Variants in ENTHD1 observed in about 807,000 individuals in gnomAD.
ENTHD1 encodes ENTH domain-containing protein 1.
In ENTHD1, 23 loss-of-function variants were observed where a neutral mutation model predicts 39.1. The observed-to-expected ratio is 0.59, with a 90% CI of 0.42 to 0.83. The LOEUF is 0.83. ENTHD1 is among the 40% of genes least tolerant of loss of function. ENTHD1 has a pLI of 0.00. For synonymous variants in ENTHD1, 230 were observed against 258.2 expected, an observed-to-expected ratio of 0.89 and a Z score of 1.05; for missense variants, 624 against 705.4, an observed-to-expected ratio of 0.88 and a Z score of 1.31.
At chr22:39,814,559 T>C (rs1399505664) in intron 5 of ENTHD1, among the ~76,000 whole-genome samples, 3 of 152,242 alleles carry the variant, frequency 2.0e-5, no homozygotes, top group African/African-American at 7.2e-5. Context: ...AATGCAGGGT[T>C]GGTCATATCA....
intron 4 of ENTHD1, among the ~76,000 whole-genome samples, chr22:39,825,876 T>C (rs1376267527): frequency 6.6e-6 from 1 of 152,152 alleles, no homozygotes; most frequent in East Asian, 1.9e-4. Context: ...ATAGATGTTC[T>C]TGGTTTTGTT....
At chr22:39,804,564 A>G (rs1010809167) in intron 5 of ENTHD1, among the ~76,000 whole-genome samples, 3 of 152,020 alleles carry the variant, frequency 2.0e-5, no homozygotes, top group African/African-American at 7.3e-5. Flanking sequence ...TCAATACATT[A>G]CCAATTTCTG....
intron 3 of ENTHD1, among the ~76,000 whole-genome samples, chr22:39,844,176 G>A (rs1254991439): frequency 1.3e-5 from 2 of 151,734 alleles, no homozygotes; most frequent in African/African-American, 2.4e-5. Flanking sequence ...AGATTACTAG[G>A]GGAAAGGCAT....
Position 39,785,341 on chromosome 22 carries a change from T to C in ENTHD1, c.833-19732A>G, listed in dbSNP as rs150844414. ...CCGATATATCCGGTGCCATCTCACC[T>C]CTGTGATTTCACCCTGGCTGCTCTC... On this transcript the variant is annotated intron_variant, in intron 5 of 6. Transcript: ENST00000325157. Among the ~76,000 whole-genome samples, 5 of 152,334 alleles carry C rather than the reference T, an allele frequency of 3.3e-5. No homozygotes were observed. The East Asian group carries it at 9.6e-4, about 29-fold the overall frequency.
intron 3 of ENTHD1, among the ~76,000 whole-genome samples, chr22:39,845,113 A>G (rs2065976414): frequency 6.6e-6 from 1 of 151,346 alleles, no homozygotes; most frequent in Admixed American, 6.6e-5. Context: ...AGCCTGGTGG[A>G]GAAAACAAAC....
At chr22:39,828,729 G>A (rs1463402210) in intron 4 of ENTHD1, among the ~76,000 whole-genome samples, 1 of 152,052 alleles carries the variant, frequency 6.6e-6, no homozygotes, top group Admixed American at 6.6e-5. Context: ...AAAGAGTAAG[G>A]TCTTTTGAGG....
intron 5 of ENTHD1, among the ~76,000 whole-genome samples, chr22:39,818,228 C>T (rs1349707104): frequency 1.3e-5 from 2 of 152,158 alleles, no homozygotes; most frequent in Non-Finnish European, 2.9e-5. Context: ...GAACTGAGGC[C>T]TCCAGCCGAT....
At chr22:39,760,689 C>T (rs1856607825) in intron 6 of ENTHD1, among the ~76,000 whole-genome samples, 1 of 151,860 alleles carries the variant, frequency 6.6e-6, no homozygotes, top group South Asian at 2.1e-4. Flanking sequence ...CTGTTTTTGT[C>T]CCTCCTTTCT....
chr22:39,790,125 C>A (rs935161418), intron 5 of ENTHD1, among the ~76,000 whole-genome samples: 1 of 152,140 alleles, frequency 6.6e-6, no homozygotes, highest in African/African-American at 2.4e-5. Context: ...AGACAGTTGA[C>A]AGTCAGATCA....
chr22:39,885,075 T>G (rs534372193), intron 2 of ENTHD1, among the ~76,000 whole-genome samples: 13 of 152,284 alleles, frequency 8.5e-5, no homozygotes, highest in African/African-American at 2.6e-4. Flanking sequence ...ATCTACAGAA[T>G]CGGAGAAGAT....
Position 39,835,368 on chromosome 22 carries a change from C to A in ENTHD1, c.711+472G>T, listed in dbSNP as rs2065901063. On this transcript the variant is annotated intron_variant, in intron 4 of 6. Coordinates refer to ENST00000325157, the MANE Select transcript of ENTHD1 (RefSeq NM_152512.4). ...GACTATTCAACAAATTAAATATTGC[C>A]TATCCACAAGGGTACAAAGAAGGAC... Among the ~76,000 whole-genome samples the A allele has an allele frequency of 3.3e-5, 5 of 152,134 alleles. No homozygotes were observed. The South Asian group carries it at 1.0e-3, about 32-fold the overall frequency.
At chr22:39,885,193 T>C (rs1249468029) in intron 2 of ENTHD1, among the ~76,000 whole-genome samples, 1 of 152,178 alleles carries the variant, frequency 6.6e-6, no homozygotes, top group Non-Finnish European at 1.5e-5. Flanking sequence ...AGGATTGGAA[T>C]AGATGTTACA....
Position 39,867,998 on chromosome 22 carries a change from C to T in ENTHD1, c.350-5991G>A, listed in dbSNP as rs572981080. On this transcript the variant is annotated intron_variant, in intron 2 of 6. Coordinates refer to ENST00000325157, the MANE Select transcript of ENTHD1 (RefSeq NM_152512.4). This position sits in a 1 kb window ranked among gnomAD's most constrained non-coding sequence, Gnocchi z 4.5. ...GCTGCTGGGCTCTTGATCTGCCAGC[C>T]CAGAGTTCAGCTCCTCAGGTGTTAG... 2.2e-4 allele frequency among the ~76,000 whole-genome samples: 33 copies of T among 152,194 alleles called. No homozygotes were observed. Among genetic ancestry groups the T allele is most frequent in the Non-Finnish European group, 4.0e-4 (27 of 68,010 alleles).
chr22:39,822,011 C>T (rs74434450), intron 4 of ENTHD1, among the ~76,000 whole-genome samples: 10,087 of 152,218 alleles, frequency 0.066, 405 homozygotes, highest in South Asian at 0.13. Flanking sequence ...AGTATTCAGA[C>T]GACAGCAATC....
At chr22:39,754,596 C>T (rs62228529) in intron 6 of ENTHD1, among the ~76,000 whole-genome samples, 2,644 of 152,272 alleles carry the variant, frequency 0.017, 63 homozygotes, top group Middle Eastern at 0.024. Flanking sequence ...AACAACAAAC[C>T]CTTCCCTCAC....
intron 1 of ENTHD1, among the ~76,000 whole-genome samples, chr22:39,892,583 A>T (rs562714824): frequency 6.6e-6 from 1 of 152,384 alleles, no homozygotes; most frequent in African/African-American, 2.4e-5. Context: ...AATGAGTTGG[A>T]GGAAAAGTTG....
At chr22:39,826,968 C>T (rs1400095433) in intron 4 of ENTHD1, among the ~76,000 whole-genome samples, 1 of 151,760 alleles carries the variant, frequency 6.6e-6, no homozygotes, top group South Asian at 2.1e-4. Flanking sequence ...CCACTTCAGC[C>T]TCCCTGGCGG....
chr22:39,809,882 C>T (rs1473817809), intron 5 of ENTHD1, among the ~76,000 whole-genome samples: 2 of 152,110 alleles, frequency 1.3e-5, no homozygotes, highest in Non-Finnish European at 2.9e-5. Flanking sequence ...ACAGGGATGC[C>T]GTGGTATCCA....
At position 39,866,795 on chromosome 22, in the gene ENTHD1, T is replaced by C. The variant is rs534036068; in HGVS notation, c.350-4788A>G. Among the ~76,000 whole-genome samples the C allele has an allele frequency of 5.5e-3, 836 of 152,368 alleles. 8 individuals carry two copies. Among genetic ancestry groups the C allele is most frequent in the Middle Eastern group, 0.02 (6 of 294 alleles). ...ACTGTCTTTTCCCTCCAATTAACTG[T>C]GACATCCACGAAGTCCAGACTATGC... On this transcript the variant is annotated intron_variant, in intron 2 of 6. Coordinates refer to ENST00000325157, the MANE Select transcript of ENTHD1 (RefSeq NM_152512.4).
Sources: gnomAD v4.1 joint callset for allele counts (sites outside exome capture counted in the v4.1 genomes callset) on GRCh38, gnomAD v4.1.1 for gene constraint, Gnocchi (gnomAD v3.1) non-coding constraint, MANE v1.5 for transcripts, NCBI Gene and HGNC (gene_info 2026-07-23, HGNC 2026-07-21) for gene names.